The following TNRC6B variants were observed in gnomAD, a reference collection of about 807,000 sequenced individuals.
TNRC6B encodes trinucleotide repeat-containing gene 6B protein.
Under a neutral mutation model 203.6 loss-of-function variants are expected in TNRC6B, and 52 were observed. The ratio of observed to expected loss-of-function variants is 0.26; its 90% CI spans 0.20 to 0.32. The LOEUF (loss-of-function observed/expected upper bound fraction) is 0.32, where lower values mean the gene tolerates loss of function less well. Among genes scored for constraint, TNRC6B ranks in the 10% least tolerant of loss-of-function variants. The probability of loss-of-function intolerance (pLI) is 1.00; values close to 1 mark genes in which losing one functional copy is unlikely to be tolerated. For missense variants in TNRC6B, 1,923 were observed against 2,286.2 expected, an observed-to-expected ratio of 0.84 and a Z score of 3.24; for synonymous variants, 838 against 845.7, an observed-to-expected ratio of 0.99 and a Z score of 0.16.
intron 3 of TNRC6B, among the ~76,000 whole-genome samples, chr22:40,260,264 C>T (rs939691619): frequency 6.6e-5 from 10 of 150,598 alleles, no homozygotes; most frequent in Admixed American, 2.6e-4. Flanking sequence ...ACACAGAGAG[C>T]GGTGCAAGTC....
At chr22:40,231,626 T>C (rs552521054) in intron 1 of TNRC6B, among the ~76,000 whole-genome samples, 93 of 152,320 alleles carry the variant, frequency 6.1e-4, no homozygotes, top group Non-Finnish European at 9.7e-4. Flanking sequence ...AACTCACTTA[T>C]TAATTTTGGT....
At chr22:40,048,266 G>C (rs1032733888) in intron 1 of TNRC6B, among the ~76,000 whole-genome samples, 3 of 152,194 alleles carry the variant, frequency 2.0e-5, no homozygotes, top group Non-Finnish European at 1.5e-5. Flanking sequence ...TTGGCCGGGC[G>C]TGGTGGCTCA....
intron 1 of TNRC6B, among the ~76,000 whole-genome samples, chr22:40,093,063 C>A (rs2068161922): frequency 6.6e-6 from 1 of 152,146 alleles, no homozygotes; most frequent in Non-Finnish European, 1.5e-5. Flanking sequence ...GTTTAGCCAT[C>A]CACAGTTTAT....
chr22:40,283,729 T>C (rs901524219), intron 11 of TNRC6B, among the ~76,000 whole-genome samples: 1 of 152,082 alleles, frequency 6.6e-6, no homozygotes, highest in African/African-American at 2.4e-5. Flanking sequence ...CTAAAACCTA[T>C]GGTGGGGGAG....
chr22:40,296,072 A>G (rs940399417), intron 12 of TNRC6B, among the ~76,000 whole-genome samples: 6 of 152,116 alleles, frequency 3.9e-5, no homozygotes, highest in African/African-American at 2.4e-5. Flanking sequence ...TATTGGGGCC[A>G]CAGTACCCTC....
chr22:40,266,230 G>A lies in TNRC6B; in HGVS notation c.2000G>A (p.Gly667Glu), dbSNP rs760053242. 1.9e-6 allele frequency: 3 copies of A among 1,605,618 alleles called. No homozygotes were observed. Among genetic ancestry groups the A allele is most frequent in the East Asian group, 2.2e-5 (1 of 44,574 alleles). The change falls in exon 5 of 23, where the codon GGA becomes GAA. Residue 667 changes from glycine to glutamate, a missense_variant. Physicochemically the swap from Gly to Glu is moderately conservative, Grantham distance 98. Around this residue, in one of 8 missense-constraint regions of TNRC6B, gnomAD observed 599 missense variants for 656.5 expected, o/e 0.91. Transcript: ENST00000454349. ...CAGACCAAGAACTCAGGGGGCTGGG[G>A]AGATGCACCCAGCCAAAGCAATCAA... is the stretch of plus-strand genomic sequence containing the variant. ...ATQTKNSGGW[G>E]DAPSQSNQMK...
intron 2 of TNRC6B, among the ~76,000 whole-genome samples, chr22:40,123,484 CCTT>C (rs1471574016): frequency 2.6e-5 from 4 of 152,162 alleles, no homozygotes; most frequent in Admixed American, 6.5e-5. Flanking sequence ...CACTGCCATC[CCTT>C]CTTCCTCTCC....
intron 3 of TNRC6B, among the ~76,000 whole-genome samples, chr22:40,141,742 C>T (rs1413836612): frequency 1.3e-5 from 2 of 151,442 alleles, no homozygotes; most frequent in African/African-American, 4.8e-5. Flanking sequence ...TCCCAGGTCC[C>T]AGCTGTTTTT....
chr22:40,068,293 C>CT (rs920289576), intron 1 of TNRC6B, among the ~76,000 whole-genome samples: 17 of 152,116 alleles, frequency 1.1e-4, no homozygotes, highest in African/African-American at 3.6e-4. Context: ...AGTGGATACT[C>CT]TTTTACTTAC....
chr22:40,130,884 T>C (rs925267916), intron 3 of TNRC6B, among the ~76,000 whole-genome samples: 3 of 151,024 alleles, frequency 2.0e-5, no homozygotes, highest in African/African-American at 4.9e-5. Context: ...GGAGCCCTTA[T>C]GGATGGGCAG....
chr22:40,243,044 T>C (rs1014418763), intron 1 of TNRC6B, among the ~76,000 whole-genome samples: 2 of 152,032 alleles, frequency 1.3e-5, no homozygotes, highest in Non-Finnish European at 2.9e-5. Flanking sequence ...AATTTTTTTG[T>C]ATTTTTAGTA....
At chr22:40,117,942 A>G (rs909777442) in intron 2 of TNRC6B, among the ~76,000 whole-genome samples, 10 of 152,174 alleles carry the variant, frequency 6.6e-5, no homozygotes, top group East Asian at 5.8e-4. Flanking sequence ...CCTATTTTCA[A>G]TGCCTAAAAG....
intron 12 of TNRC6B, among the ~76,000 whole-genome samples, chr22:40,296,508 A>G (rs925565217): frequency 3.3e-5 from 5 of 150,212 alleles, no homozygotes; most frequent in South Asian, 2.1e-4. Flanking sequence ...ATTTTTTTGT[A>G]TTTTTAGTAG....
rs182206051 is a variant in TNRC6B, at chr22:40,160,895, C to G, written c.113+4713C>G. On this transcript the variant is annotated intron_variant, in intron 4 of 23. Coordinates refer to the TNRC6B transcript ENST00000301923. ...TCTTGTTTTAATTTATGTTCTTATG[C>G]TTACTAATGAGTTGAAATATCTTTT... Among the ~76,000 whole-genome samples, 27 of 152,254 alleles carry G rather than the reference C, an allele frequency of 1.8e-4. No individual in the cohort carries two copies. The East Asian group carries it at 5.2e-3, about 29-fold the overall frequency.
rs773124703 is a variant in TNRC6B, at chr22:40,265,795, T to C, written c.1565T>C (p.Ile522Thr). 9 of 1,613,716 alleles carry C rather than the reference T, an allele frequency of 5.6e-6. No individual in the cohort carries two copies. Among genetic ancestry groups the C allele is most frequent in the Non-Finnish European group, 7.6e-6 (9 of 1,179,840 alleles). Residue 522 changes from isoleucine to threonine, a missense_variant, in exon 5 of 23, where the codon ATT becomes ACT. Physicochemically the swap from Ile to Thr is moderately conservative, Grantham distance 89. Transcript: ENST00000454349. ...KQPTGSDELK[I>T]GEWSGPNQPN... is the part of the protein sequence containing the mutation. ...CCGACTGGGTCTGATGAGTTGAAAA[T>C]TGGAGAATGGAGTGGTCCAAACCAA...
intron 1 of TNRC6B, among the ~76,000 whole-genome samples, chr22:40,090,834 T>C (rs2068144362): frequency 6.6e-6 from 1 of 152,120 alleles, no homozygotes; most frequent in African/African-American, 2.4e-5. Context: ...AGCAGGGTTA[T>C]TTGGAGAAAT....
intron 1 of TNRC6B, among the ~76,000 whole-genome samples, chr22:40,080,244 A>ATTT (rs879720878): frequency 7.0e-6 from 1 of 142,376 alleles, no homozygotes; most frequent in Non-Finnish European, 1.5e-5. Flanking sequence ...TGCCCAGCCA[A>ATTT]TTTTTTTTTT....
At chr22:40,116,709 G>A (rs1568988349) in intron 1 of TNRC6B, among the ~76,000 whole-genome samples, 1 of 152,156 alleles carries the variant, frequency 6.6e-6, no homozygotes, top group Non-Finnish European at 1.5e-5. Flanking sequence ...CATGACGGAT[G>A]TCAGGGTCTG....
intron 1 of TNRC6B, among the ~76,000 whole-genome samples, chr22:40,206,906 A>T (rs1339448844): frequency 6.6e-6 from 1 of 152,224 alleles, no homozygotes; most frequent in East Asian, 1.9e-4. Context: ...GGCCGCCGTA[A>T]CAAAATACCA....
Sources: gnomAD v4.1 joint callset for allele counts (sites outside exome capture counted in the v4.1 genomes callset) on GRCh38, gnomAD v4.1.1 for gene constraint, gnomAD v4.1.1 regional missense constraint, MANE v1.5 for transcripts, NCBI Gene and HGNC (gene_info 2026-07-23, HGNC 2026-07-21) for gene names.